TASP1: variants seen among roughly 807,000 people sequenced by gnomAD.
TASP1 encodes threonine aspartase 1.
TASP1 carries 16 observed loss-of-function variants against 56.6 expected under a neutral mutation model. That is an observed-to-expected ratio of 0.28 (90% CI 0.19 to 0.43). TASP1 has a LOEUF of 0.43. Ranked by LOEUF, TASP1 falls within the 20% of genes least tolerant of loss-of-function variation. The pLI, the probability that TASP1 is intolerant of heterozygous loss-of-function variation, is 1.00. For synonymous variants in TASP1, 179 were observed against 184.2 expected (o/e 0.97, Z 0.23); for missense variants, 393 against 511.6 (o/e 0.77, Z 2.24).
chr20:13,496,858 C>T (rs1192705435), intron 10 of TASP1, among the ~76,000 whole-genome samples: 2 of 152,102 alleles, frequency 1.3e-5, no homozygotes, highest in Non-Finnish European at 2.9e-5. Flanking sequence ...CGAAAATGCA[C>T]AAATATCTCA....
At chr20:13,158,407 G>A in the TASP1 span, among the ~76,000 whole-genome samples, 2 of 152,114 alleles carry the variant, frequency 1.3e-5, no homozygotes, top group South Asian at 2.1e-4. Context: ...CATATATTTT[G>A]CCCTGCATTC....
intron 4 of TASP1, among the ~76,000 whole-genome samples, chr20:13,621,887 A>G (rs570637964): frequency 6.6e-6 from 1 of 152,234 alleles, no homozygotes; most frequent in African/African-American, 2.4e-5. Flanking sequence ...ACCTACAGTG[A>G]CTCCATGAAA....
intron 12 of TASP1, among the ~76,000 whole-genome samples, chr20:13,427,223 C>T (rs2042647154): frequency 3.3e-5 from 5 of 152,184 alleles, no homozygotes; most frequent in South Asian, 4.1e-4. Flanking sequence ...TTTTAACTTA[C>T]AGTAAAATAA....
chr20:13,406,812 G>A (rs56349038), intron 13 of TASP1, among the ~76,000 whole-genome samples: 1,579 of 151,606 alleles, frequency 0.01, 30 homozygotes, highest in African/African-American at 0.036. Context: ...GACTACAGGC[G>A]CCCGCCACCA....
At chr20:13,162,733 A>G in the TASP1 span, among the ~76,000 whole-genome samples, 1 of 152,200 alleles carries the variant, frequency 6.6e-6, no homozygotes, top group African/African-American at 2.4e-5. Context: ...TCAGATAGAA[A>G]TTATAAATAT....
chr20:13,188,290 G>C, the TASP1 span, among the ~76,000 whole-genome samples: 1 of 152,022 alleles, frequency 6.6e-6, no homozygotes, highest in African/African-American at 2.4e-5. Context: ...CTTATATTTA[G>C]AAAAACACAG....
intron 10 of TASP1, among the ~76,000 whole-genome samples, chr20:13,503,129 G>C (rs1021231591): frequency 3.6e-4 from 55 of 152,172 alleles, no homozygotes; most frequent in African/African-American, 1.3e-3. Context: ...AGAAGGAAGG[G>C]GAGGGAGGCC....
At chr20:13,603,114 T>G (rs1480976805) in intron 4 of TASP1, among the ~76,000 whole-genome samples, 2 of 151,970 alleles carry the variant, frequency 1.3e-5, no homozygotes, top group Non-Finnish European at 1.5e-5. Flanking sequence ...ATCTGTAATC[T>G]CAGCTACTCT....
At chr20:13,614,680 T>C (rs2048460849) in intron 4 of TASP1, 1 of 359,116 alleles carries the variant, frequency 2.8e-6, no homozygotes, top group African/African-American at 2.2e-5. Flanking sequence ...AGTTTTCACA[T>C]TTTTTAATTG....
intron 7 of TASP1, among the ~76,000 whole-genome samples, chr20:13,561,742 T>A (rs893874407): frequency 2.0e-5 from 3 of 152,158 alleles, no homozygotes; most frequent in African/African-American, 7.2e-5. Context: ...TGGGAAAAGA[T>A]ACAATTTTGC....
chr20:13,469,783 A>G (rs1282724412), intron 11 of TASP1, among the ~76,000 whole-genome samples: 1 of 133,484 alleles, frequency 7.5e-6, no homozygotes, highest in Non-Finnish European at 1.6e-5. Flanking sequence ...GTCCAGGTCA[A>G]TAAATGTCCT....
the TASP1 span, among the ~76,000 whole-genome samples, chr20:13,320,631 C>T: frequency 6.6e-6 from 1 of 152,204 alleles, no homozygotes; most frequent in Non-Finnish European, 1.5e-5. Context: ...AAGCTTATTG[C>T]TCTCTCATTA....
the TASP1 span, among the ~76,000 whole-genome samples, chr20:13,201,986 C>G: frequency 0.4 from 60,778 of 151,878 alleles, 12,751 homozygotes; most frequent in African/African-American, 0.54. Flanking sequence ...AACTCCTGAC[C>G]TCATGATCTG....
the TASP1 span, chr20:13,110,194 C>T: frequency 1.2e-6 from 2 of 1,613,636 alleles, no homozygotes; most frequent in East Asian, 2.2e-5. Flanking sequence ...AAAAGATTCT[C>T]ATCCTGGTGG....
At chr20:13,206,928 G>A in the TASP1 span, among the ~76,000 whole-genome samples, 1 of 152,024 alleles carries the variant, frequency 6.6e-6, no homozygotes, top group Non-Finnish European at 1.5e-5. Flanking sequence ...TAATGGAGGG[G>A]TTATATAGAT....
chr20:13,253,841 TA>T, the TASP1 span, among the ~76,000 whole-genome samples: 4 of 142,866 alleles, frequency 2.8e-5, no homozygotes, highest in African/African-American at 1.1e-4. Flanking sequence ...AAAATTAAAA[TA>T]ACACATACAC....
At chr20:13,437,358 T>G (rs530057880) in intron 11 of TASP1, among the ~76,000 whole-genome samples, 13 of 152,182 alleles carry the variant, frequency 8.5e-5, no homozygotes, top group Non-Finnish European at 1.6e-4. Flanking sequence ...GGGACGTATC[T>G]CAAAATAATA....
chr20:13,304,630 T>C, the TASP1 span, among the ~76,000 whole-genome samples: 2 of 152,314 alleles, frequency 1.3e-5, no homozygotes, highest in East Asian at 1.9e-4. Flanking sequence ...CTGGAAGTGC[T>C]GGGAGTCAAC....
At chr20:13,524,898 A>T (rs2146831196) in intron 10 of TASP1, among the ~76,000 whole-genome samples, 1 of 152,316 alleles carries the variant, frequency 6.6e-6, no homozygotes, top group African/African-American at 2.4e-5. Flanking sequence ...TGTGTTCAGA[A>T]GGATTACGGT....
Sources: gnomAD v4.1 joint callset for allele counts (sites outside exome capture counted in the v4.1 genomes callset) on GRCh38, gnomAD v4.1.1 for gene constraint, MANE v1.5 for transcripts, NCBI Gene and HGNC (gene_info 2026-07-23, HGNC 2026-07-21) for gene names.